Variants in MGST2 observed in about 807,000 individuals in gnomAD.
MGST2 encodes the protein glutathione peroxidase MGST2.
Under a neutral mutation model 16.6 loss-of-function variants are expected in MGST2, and 9 were observed. The observed-to-expected ratio is 0.54, with a 90% CI of 0.33 to 0.95. The LOEUF (loss-of-function observed/expected upper bound fraction) is 0.95, where lower values mean the gene tolerates loss of function less well. Among genes scored for constraint, MGST2 ranks in the 40% least tolerant of loss-of-function variants. MGST2 has a pLI of 0.03. For synonymous variants in MGST2, 79 were observed against 68.0 expected (o/e 1.16, Z -0.79); for missense variants, 159 against 175.1 (o/e 0.91, Z 0.52).
At chr4:139,670,884 G>A (rs1227611650) in intron 1 of MGST2, among the ~76,000 whole-genome samples, 1 of 150,816 alleles carries the variant, frequency 6.6e-6, no homozygotes, top group African/African-American at 2.4e-5. Flanking sequence ...TCCAGACTGG[G>A]TGAGAGTGAG....
chr4:139,753,552 C>T, the MGST2 span, among the ~76,000 whole-genome samples: 3 of 152,140 alleles, frequency 2.0e-5, no homozygotes, highest in South Asian at 4.2e-4. Context: ...AACCTTGAGT[C>T]TAAAACTACC....
intron 3 of MGST2, chr4:139,698,393 A>T (rs1727048600): frequency 1.9e-6 from 3 of 1,594,706 alleles, no homozygotes; most frequent in Non-Finnish European, 2.6e-6. Flanking sequence ...ACTTCTGATA[A>T]CGTCTAATTT....
At chr4:139,672,211 CT>C (rs1259802146) in intron 1 of MGST2, among the ~76,000 whole-genome samples, 2 of 152,206 alleles carry the variant, frequency 1.3e-5, no homozygotes, top group Non-Finnish European at 2.9e-5. Flanking sequence ...TACTCCCAGC[CT>C]CATTTTGAAG....
chr4:139,735,765 G>A lies in MGST2; in HGVS notation c.*49-4447G>A, dbSNP rs1467346133. ...CTCCGGCTAGGAAGTCAGGAGTGGG[G>A]CCCGTGCGTCCCCGGCAGGACCTAG... On this transcript the variant is annotated intron_variant, in intron 5 of 5. Transcript: ENST00000616265. This position sits in a 1 kb window ranked among gnomAD's most constrained non-coding sequence, Gnocchi z 5.8. Among the ~76,000 whole-genome samples the A allele has an allele frequency of 2.0e-5, 3 of 152,166 alleles. No homozygotes were observed. The highest frequency in any genetic ancestry group is 4.4e-5 in the Non-Finnish European group (3 of 68,018).
At chr4:139,739,329 C>T (rs566747633) in intron 5 of MGST2, among the ~76,000 whole-genome samples, 2 of 152,296 alleles carry the variant, frequency 1.3e-5, no homozygotes, top group African/African-American at 4.8e-5. Flanking sequence ...CCCTTTTTTG[C>T]AGGGATAAAA....
rs34915408 is a variant in MGST2 at position 139,672,577 on chromosome 4, C to CTT, written c.59-5951_59-5950dup. Among the ~76,000 whole-genome samples, 245 of 142,582 alleles carry CTT rather than the reference C, an allele frequency of 1.7e-3. 1 individual carries two copies. The highest frequency in any genetic ancestry group is 6.0e-3 in the African/African-American group (234 of 38,802). 93.5% of individuals were successfully genotyped at this position (142,582 alleles called of 152,430 possible). The stretch of plus-strand genomic sequence containing the variant: ...AACTCCAATCCCAAGCATTTACACA[C>CTT]TTTTTTTTTTTTTTTTGACTCGGAG... On this transcript the variant is annotated intron_variant, in intron 1 of 4. Coordinates refer to ENST00000265498, the MANE Select transcript of MGST2 (RefSeq NM_002413.5).
Position 139,704,094 on chromosome 4 carries a change from T to C in MGST2, c.390T>C (p.Phe130=). ...GTGCCCTGGGAATTGCAAACAGCTT[T>C]CTGGATGAATATCTGGACCTCAATA... is the stretch of plus-strand genomic sequence containing the variant. ...LLGALGIANS[F]LDEYLDLNIA... The change falls in exon 5 of 5, where the codon TTT becomes TTC. Residue 130 remains phenylalanine, a synonymous_variant. Coordinates refer to ENST00000265498, the MANE Select transcript of MGST2 (RefSeq NM_002413.5). The C allele has an allele frequency of 6.2e-7, 1 of 1,614,168 alleles. No individual in the cohort carries two copies. The highest frequency in any genetic ancestry group is 8.5e-7 in the Non-Finnish European group (1 of 1,180,032).
exon 6 of MGST2, chr4:139,740,331 G>C (rs1201131216): frequency 6.6e-6 from 1 of 152,224 alleles, no homozygotes; most frequent in Non-Finnish European, 1.5e-5. Flanking sequence ...GAAGACCTGA[G>C]TCACCAGGGC....
At chr4:139,752,584 C>T in the MGST2 span, among the ~76,000 whole-genome samples, 1 of 152,182 alleles carries the variant, frequency 6.6e-6, no homozygotes, top group African/African-American at 2.4e-5. Context: ...CAGGACTTCT[C>T]ATGTCTTCAT....
At chr4:139,744,504 C>CA (rs1729262155), downstream of MGST2, among the ~76,000 whole-genome samples, 1 of 152,172 alleles carries the variant, frequency 6.6e-6, no homozygotes, top group African/African-American at 2.4e-5. Flanking sequence ...GCTCAGAAAA[C>CA]AAGTATACCT....
Position 139,680,914 on chromosome 4 carries a change from C to T in MGST2, c.158+2272C>T, listed in dbSNP as rs1276111994. ...TCAGGATCTTGCCTGGCCTACTGTC[C>T]CGAGATGTTAATAGCATTGTGCTTG... On this transcript the variant is annotated intron_variant, in intron 2 of 4. Coordinates refer to ENST00000265498, the MANE Select transcript of MGST2 (RefSeq NM_002413.5). Among the ~76,000 whole-genome samples the T allele has an allele frequency of 2.0e-5, 3 of 152,110 alleles. No homozygotes were observed. The East Asian group carries it at 5.8e-4, about 29-fold the overall frequency.
intron 1 of MGST2, among the ~76,000 whole-genome samples, chr4:139,676,971 G>A (rs575990857): frequency 6.6e-6 from 1 of 152,258 alleles, no homozygotes; most frequent in African/African-American, 2.4e-5. Flanking sequence ...TAAAGATCTG[G>A]AAGAAACACT....
At chr4:139,746,573 G>A in the MGST2 span, among the ~76,000 whole-genome samples, 5 of 152,114 alleles carry the variant, frequency 3.3e-5, no homozygotes, top group Non-Finnish European at 7.3e-5. Context: ...ATCCCAGGGA[G>A]GGGCTGCAAA....
chr4:139,701,136 G>T (rs575534201), intron 3 of MGST2, among the ~76,000 whole-genome samples: 1 of 152,320 alleles, frequency 6.6e-6, no homozygotes, highest in African/African-American at 2.4e-5. Flanking sequence ...CTCTGTCTCT[G>T]CCATTTGACC....
rs982167388 is a variant in MGST2 at position 139,715,159 on chromosome 4, C to G, written c.*48+10963C>G. On this transcript the variant is annotated intron_variant, in intron 5 of 5. Coordinates refer to the MGST2 transcript ENST00000616265. This position sits in a 1 kb window ranked among gnomAD's most constrained non-coding sequence, Gnocchi z 4.4. ...ATTAAGGGGGAGCCTTTAACCACCT[C>G]TATCTTAGGAGAGACTCTAACTCCA... is the stretch of plus-strand genomic sequence containing the variant. Among the ~76,000 whole-genome samples the G allele has an allele frequency of 6.6e-6, 1 of 152,106 alleles. No individual in the cohort carries two copies. The highest frequency in any genetic ancestry group is 2.4e-5 in the African/African-American group (1 of 41,414).
intron 5 of MGST2, among the ~76,000 whole-genome samples, chr4:139,737,670 A>C (rs116302593): frequency 0.063 from 9,547 of 152,334 alleles, 499 homozygotes; most frequent in Admixed American, 0.14. Flanking sequence ...TGGAAGGAAG[A>C]AACAAAATAA....
chr4:139,730,713 C>A, intron 5 of MGST2: 1 of 1,539,848 alleles, frequency 6.5e-7, no homozygotes, highest in Non-Finnish European at 8.9e-7. Context: ...CCCATAGAGA[C>A]TCACTGCTGT....
the MGST2 span, among the ~76,000 whole-genome samples, chr4:139,745,944 C>T: frequency 3.9e-5 from 6 of 152,170 alleles, no homozygotes; most frequent in Admixed American, 6.5e-5. Context: ...AGTTTTTGTG[C>T]TTCCTTAACT....
intron 5 of MGST2, chr4:139,717,980 A>G (rs879648196): frequency 1.3e-5 from 2 of 152,146 alleles, no homozygotes; most frequent in Admixed American, 1.3e-4. Context: ...TCTCCTTTCT[A>G]TCCAAATTTG....
Sources: allele counts gnomAD v4.1 joint callset (sites outside exome capture counted in the v4.1 genomes callset), GRCh38; gene constraint gnomAD v4.1.1; non-coding constraint Gnocchi (gnomAD v3.1); transcripts MANE v1.5; gene names NCBI Gene and HGNC (gene_info 2026-07-23, HGNC 2026-07-21).